The following SYT2 variants were observed in gnomAD, a reference collection of about 807,000 sequenced individuals.
The protein encoded by SYT2 is synaptotagmin 2, also known as synaptotagmin-2.
Under a neutral mutation model 39.9 loss-of-function variants are expected in SYT2, and 15 were observed. That is an observed-to-expected ratio of 0.38 (90% CI 0.25 to 0.58). The LOEUF (loss-of-function observed/expected upper bound fraction) is 0.58, where lower values mean the gene tolerates loss of function less well. Among genes scored for constraint, SYT2 ranks in the 20% least tolerant of loss-of-function variants. SYT2 has a pLI of 0.70. For synonymous variants in SYT2, 181 were observed against 204.5 expected (o/e 0.89, Z 0.98); for missense variants, 389 against 530.3 (o/e 0.73, Z 2.62).
chr1:202,651,982 C>T lies in SYT2; in HGVS notation c.-17-46193G>A, dbSNP rs564091849. 1.6e-4 allele frequency among the ~76,000 whole-genome samples: 24 copies of T among 152,304 alleles called. 1 individual carries two copies. Among genetic ancestry groups the T allele is most frequent in the Middle Eastern group, 3.4e-3 (1 of 294 alleles). ...CTGAGGCAGGAGAATCGCTTGAACC[C>T]GGGAGGCGGAGGTTGCAGTGAGCCG... On this transcript the variant is annotated intron_variant, in intron 1 of 8. Coordinates refer to ENST00000367268, the MANE Select transcript of SYT2 (RefSeq NM_177402.5).
At chr1:202,645,608 T>C (rs1692064048) in intron 1 of SYT2, among the ~76,000 whole-genome samples, 1 of 152,262 alleles carries the variant, frequency 6.6e-6, no homozygotes, top group Admixed American at 6.5e-5. Flanking sequence ...CTGAGCCTTA[T>C]GCAAAGCTGC....
At position 202,602,336 on chromosome 1, in the gene SYT2, G is replaced by C. The variant is rs201372351; in HGVS notation, c.633+42C>G. The C allele has an allele frequency of 3.2e-6, 5 of 1,583,710 alleles. No individual in the cohort carries two copies. The East Asian group carries it at 1.1e-4, about 35-fold the overall frequency. On this transcript the variant is annotated intron_variant, in intron 5 of 8. Transcript: ENST00000367268. ...TCTGTAGAACTCAGCAGAGAATTGG[G>C]ATCAGGCAGGGAGCTGGAGTCACCC...
intron 1 of SYT2, among the ~76,000 whole-genome samples, chr1:202,671,146 C>A (rs574084702): frequency 2.0e-5 from 3 of 152,362 alleles, no homozygotes; most frequent in Admixed American, 6.5e-5. Context: ...GCAATAGGGG[C>A]CCCTCCTTTT....
At position 202,595,025 on chromosome 1, in the gene SYT2, A is replaced by T. The variant is rs1391393657; in HGVS notation, c.*1732T>A. 6.6e-6 allele frequency: 1 copy of T among 152,276 alleles called. No homozygotes were observed. The allele number at this position is 152,276 out of a possible 1,614,324, so 9.4% of individuals were successfully genotyped here. Reference sequence around the variant, plus strand: ...GATGGGGCAGGATAGAGATGCTGCCATTTGTGCTGGGAAAGAGAGATACTC... The same window carrying T: ...GATGGGGCAGGATAGAGATGCTGCCTTTTGTGCTGGGAAAGAGAGATACTC... On this transcript the variant is annotated 3_prime_UTR_variant, in exon 9 of 9. Coordinates refer to ENST00000367268, the MANE Select transcript of SYT2 (RefSeq NM_177402.5).
intron 1 of SYT2, among the ~76,000 whole-genome samples, chr1:202,640,361 T>C (rs913875317): frequency 1.3e-5 from 2 of 150,926 alleles, no homozygotes; most frequent in African/African-American, 4.9e-5. Flanking sequence ...ATGAGAAAAC[T>C]GAGGTCCACA....
chr1:202,684,520 T>A (rs986819363), intron 1 of SYT2, among the ~76,000 whole-genome samples: 1 of 152,200 alleles, frequency 6.6e-6, no homozygotes, highest in Admixed American at 6.5e-5. Flanking sequence ...ATGCGCCATA[T>A]TTTCTTTATC....
chr1:202,625,851 G>T (rs1691389055), intron 1 of SYT2, among the ~76,000 whole-genome samples: 1 of 152,180 alleles, frequency 6.6e-6, no homozygotes, highest in Admixed American at 6.5e-5. Context: ...CACCGGGGAG[G>T]GGGTCCTGTC....
intron 1 of SYT2, among the ~76,000 whole-genome samples, chr1:202,649,982 C>T (rs1692160522): frequency 6.6e-6 from 1 of 152,244 alleles, no homozygotes; most frequent in Non-Finnish European, 1.5e-5. Context: ...CACAAAAGTA[C>T]AGATCTTCTC....
rs186753019 is a variant in SYT2, at chr1:202,647,452, G to A, written c.-17-41663C>T. On this transcript the variant is annotated intron_variant, in intron 1 of 8. Coordinates refer to ENST00000367268, the MANE Select transcript of SYT2 (RefSeq NM_177402.5). ...CCTTAGTGAAGGCTGCTGCTTGGGA[G>A]GCTTCCCCCCCCAACCGTACTCCAT... is the stretch of plus-strand genomic sequence containing the variant. 9.5e-3 allele frequency among the ~76,000 whole-genome samples: 1,445 copies of A among 151,490 alleles called. 26 individuals carry two copies. The highest frequency in any genetic ancestry group is 0.034 in the African/African-American group (1,384 of 40,762).
chr1:202,645,393 C>T (rs3892242), intron 1 of SYT2, among the ~76,000 whole-genome samples: 4 of 152,148 alleles, frequency 2.6e-5, no homozygotes, highest in South Asian at 4.1e-4. Flanking sequence ...TTTGCTAGGA[C>T]GAGGGAGGAT....
chr1:202,677,713 G>A (rs530556367), intron 1 of SYT2, among the ~76,000 whole-genome samples: 2 of 152,284 alleles, frequency 1.3e-5, no homozygotes, highest in South Asian at 2.1e-4. Context: ...ACTAATTTGA[G>A]GTGGTTTATT....
intron 1 of SYT2, among the ~76,000 whole-genome samples, chr1:202,655,912 G>A (rs1320094001): frequency 2.6e-5 from 4 of 152,192 alleles, no homozygotes; most frequent in Non-Finnish European, 4.4e-5. Context: ...ACCATGGAGC[G>A]AGTGGGCCTG....
At chr1:202,611,915 A>C (rs1323634351) in intron 1 of SYT2, among the ~76,000 whole-genome samples, 2 of 152,038 alleles carry the variant, frequency 1.3e-5, no homozygotes, top group Non-Finnish European at 2.9e-5. Context: ...CAGTGGCATG[A>C]TCATGGCTCA....
intron 1 of SYT2, among the ~76,000 whole-genome samples, chr1:202,657,262 G>T (rs912184980): frequency 6.6e-6 from 1 of 152,192 alleles, no homozygotes; most frequent in African/African-American, 2.4e-5. Context: ...CAAGAGCCAC[G>T]TTCACCACGG....
At chr1:202,617,443 C>T (rs1034406509) in intron 1 of SYT2, among the ~76,000 whole-genome samples, 22 of 152,156 alleles carry the variant, frequency 1.4e-4, no homozygotes, top group Non-Finnish European at 2.2e-4. Flanking sequence ...CACCTCCCCC[C>T]ATGATTGTAA....
chr1:202,660,147 A>T (rs1692350854), intron 1 of SYT2, among the ~76,000 whole-genome samples: 1 of 152,216 alleles, frequency 6.6e-6, no homozygotes. Context: ...GAGGACAGTA[A>T]GGGAGACCTG....
At chr1:202,684,617 T>C (rs11585345) in intron 1 of SYT2, among the ~76,000 whole-genome samples, 40,519 of 152,138 alleles carry the variant, frequency 0.27, 5,766 homozygotes, top group East Asian at 0.38. Flanking sequence ...GTGTCTCCAC[T>C]AGCTGAAAAG....
In SYT2 at chr1:202,599,991, G is replaced by A. The variant is rs1690442352; in HGVS notation, c.919+366C>T. 6.6e-6 allele frequency among the ~76,000 whole-genome samples: 1 copy of A among 152,234 alleles called. No individual in the cohort carries two copies. The highest frequency in any genetic ancestry group is 1.5e-5 in the Non-Finnish European group (1 of 68,044). ...CCCTTTCCAGGGCAGAGCCAGCAGA[G>A]CCTACAGCCTCTTCTGGAAACATGT... On this transcript the variant is annotated intron_variant, in intron 7 of 8. Coordinates refer to ENST00000367268, the MANE Select transcript of SYT2 (RefSeq NM_177402.5). This position sits in a 1 kb window ranked among gnomAD's most constrained non-coding sequence, Gnocchi z 4.4.
At chr1:202,619,492 T>C (rs1691146667) in intron 1 of SYT2, among the ~76,000 whole-genome samples, 2 of 151,968 alleles carry the variant, frequency 1.3e-5, no homozygotes, top group Non-Finnish European at 2.9e-5. Context: ...TGAGGAAGGG[T>C]CTCTCAGGCT....
Sources: gnomAD v4.1 joint callset for allele counts (sites outside exome capture counted in the v4.1 genomes callset) on GRCh38, gnomAD v4.1.1 for gene constraint, Gnocchi (gnomAD v3.1) non-coding constraint, MANE v1.5 for transcripts, NCBI Gene and HGNC (gene_info 2026-07-23, HGNC 2026-07-21) for gene names.